STK33: variants seen among roughly 807,000 people sequenced by gnomAD.
STK33 encodes the protein serine/threonine-protein kinase 33.
A neutral mutation model predicts 58.0 loss-of-function variants in STK33; 52 were observed. The observed-to-expected ratio is 0.90, with a 90% confidence interval of 0.72 to 1.13. STK33 has a LOEUF of 1.13. Ranked by LOEUF, STK33 falls within the 50% of genes most tolerant of loss-of-function variation. The pLI, the probability that STK33 is intolerant of heterozygous loss-of-function variation, is 0.00. For synonymous variants in STK33, 215 were observed against 200.1 expected, an observed-to-expected ratio of 1.07 and a Z score of -0.63; for missense variants, 630 against 604.2, an observed-to-expected ratio of 1.04 and a Z score of -0.45.
At chr11:8,562,878 A>C (rs923335775) in intron 1 of STK33, among the ~76,000 whole-genome samples, 4 of 152,216 alleles carry the variant, frequency 2.6e-5, no homozygotes, top group African/African-American at 9.7e-5. Context: ...CTTGGAGCTT[A>C]CATTATAGTG....
At chr11:8,488,523 C>T (rs1162497191) in intron 1 of STK33, among the ~76,000 whole-genome samples, 1 of 151,966 alleles carries the variant, frequency 6.6e-6, no homozygotes, top group Non-Finnish European at 1.5e-5. Context: ...GCAAGTGTAG[C>T]CCAACATGCA....
intron 1 of STK33, among the ~76,000 whole-genome samples, chr11:8,534,564 CTCTCTGTGTG>C (rs1365012640): frequency 0.015 from 1,721 of 118,322 alleles, 36 homozygotes; most frequent in African/African-American, 0.059. Context: ...CTCTCTCTCT[CTCTCTGTGTG>C]TGTGTGTGTG....
chr11:8,387,767 G>A (rs1285935697), downstream of STK33, among the ~76,000 whole-genome samples: 2 of 152,178 alleles, frequency 1.3e-5, no homozygotes, highest in Non-Finnish European at 2.9e-5. Context: ...AGGGTCCAGT[G>A]AGGGGGTCAG....
intron 1 of STK33, among the ~76,000 whole-genome samples, chr11:8,570,062 C>T (rs1957701709): frequency 1.3e-5 from 2 of 151,864 alleles, no homozygotes; most frequent in Non-Finnish European, 2.9e-5. Context: ...ATTAGAATTC[C>T]TACAACTCAA....
rs141134644 is a variant in STK33 at position 8,436,134 on chromosome 11, C to T, written c.953G>A (p.Arg318His). 528 of 1,551,448 alleles carry T rather than the reference C, an allele frequency of 3.4e-4. 1 individual carries two copies. In the African/African-American group the frequency reaches 6.1e-3, roughly 18 times the overall value. ...SIGVVMYMLL[R>H]GEPPFLASSE... Reference sequence around the variant, plus strand: ...GCTTGCCAAAAAGGGTGGTTCTCCACGTAATCTGCAACAAAGGCAATCACT... The same window carrying T: ...GCTTGCCAAAAAGGGTGGTTCTCCATGTAATCTGCAACAAAGGCAATCACT... Residue 318 changes from arginine to histidine, a missense_variant, in exon 13 of 16, where the codon CGT becomes CAT. Coordinates refer to ENST00000687296, the MANE Select transcript of STK33 (RefSeq NM_001352389.2).
Position 8,455,810 on chromosome 11 carries a change from C to CAAAAA in STK33, c.698-983_698-979dup, listed in dbSNP as rs1156835375. Among the ~76,000 whole-genome samples, 361 of 47,132 alleles carry CAAAAA rather than the reference C, an allele frequency of 7.7e-3. 24 individuals carry two copies. The highest frequency in any genetic ancestry group is 0.016 in the Middle Eastern group (1 of 62). 30.9% of individuals were successfully genotyped at this position (47,132 alleles called of 152,430 possible). A position where few individuals can be genotyped will look rare whatever the true frequency, so the allele number is the denominator to read the frequency against. ...TGGGTAACAGAGAGAGACTCTGTCT[C>CAAAAA]AAAAAAAAAAAAAAAAAAAAAAAAA... On this transcript the variant is annotated intron_variant, in intron 9 of 15. Transcript: ENST00000687296.
intron 1 of STK33, among the ~76,000 whole-genome samples, chr11:8,534,092 T>C (rs906059377): frequency 1.3e-5 from 2 of 151,944 alleles, no homozygotes. Context: ...CTGGCCAACA[T>C]GGTGAAAACC....
chr11:8,474,672 G>GCACA lies in STK33; in HGVS notation c.225+8_225+9insTGTG. ...ACTTGTGCTTAGATGTGGAATCTTT[G>GCACA]ATATTTACCAAATCTTTCCTGGAGG... On this transcript the variant is annotated intron_variant, in intron 5 of 15. Transcript: ENST00000687296. The GCACA allele has an allele frequency of 6.3e-7, 1 of 1,589,642 alleles. No individual in the cohort carries two copies. The highest frequency in any genetic ancestry group is 8.6e-7 in the Non-Finnish European group (1 of 1,167,126).
At chr11:8,362,856 C>G in the STK33 span, among the ~76,000 whole-genome samples, 1 of 152,080 alleles carries the variant, frequency 6.6e-6, no homozygotes, top group Non-Finnish European at 1.5e-5. Context: ...TTCTGCCTCT[C>G]TCCCTCCCTC....
At chr11:8,377,078 A>C in the STK33 span, among the ~76,000 whole-genome samples, 1 of 152,158 alleles carries the variant, frequency 6.6e-6, no homozygotes. Flanking sequence ...ATTTATCAAA[A>C]CCACTAACTC....
At chr11:8,438,614 G>A (rs1284563446) in intron 12 of STK33, among the ~76,000 whole-genome samples, 1 of 152,108 alleles carries the variant, frequency 6.6e-6, no homozygotes, top group Non-Finnish European at 1.5e-5. Context: ...GTCACACTCT[G>A]AAGCAGAAAA....
chr11:8,533,989 T>C (rs1954758241), intron 1 of STK33, among the ~76,000 whole-genome samples: 1 of 152,136 alleles, frequency 6.6e-6, no homozygotes, highest in African/African-American at 2.4e-5. Flanking sequence ...TCAAACTGTA[T>C]ATGTGCCGGA....
chr11:8,476,267 A>C (rs908458855), intron 4 of STK33, among the ~76,000 whole-genome samples: 1 of 152,244 alleles, frequency 6.6e-6, no homozygotes, highest in Non-Finnish European at 1.5e-5. Context: ...CTGCACTTAA[A>C]AGAAAATTTA....
At chr11:8,380,823 C>T in the STK33 span, among the ~76,000 whole-genome samples, 44 of 152,130 alleles carry the variant, frequency 2.9e-4, no homozygotes, top group Admixed American at 5.2e-4. Context: ...TGCAAAGATA[C>T]GGAACCAACC....
chr11:8,516,553 G>A (rs1952800595), intron 1 of STK33, among the ~76,000 whole-genome samples: 1 of 152,250 alleles, frequency 6.6e-6, no homozygotes, highest in Admixed American at 6.5e-5. Context: ...CCCGGGAAGT[G>A]CAAGGGGCGG....
chr11:8,461,540 T>C (rs991903823), intron 8 of STK33, among the ~76,000 whole-genome samples: 1 of 152,142 alleles, frequency 6.6e-6, no homozygotes, highest in Non-Finnish European at 1.5e-5. Flanking sequence ...CACCATTTGG[T>C]TGTGTATGAA....
the STK33 span, among the ~76,000 whole-genome samples, chr11:8,339,542 T>G: frequency 3.2e-4 from 48 of 152,338 alleles, no homozygotes; most frequent in Non-Finnish European, 6.8e-4. Context: ...GAAAGATGTG[T>G]GCTTAGAGGG....
chr11:8,448,236 C>T (rs1230411520), intron 11 of STK33, among the ~76,000 whole-genome samples: 2 of 152,062 alleles, frequency 1.3e-5, no homozygotes, highest in African/African-American at 4.8e-5. Flanking sequence ...CAATGCCATC[C>T]CCATCAAGCT....
At position 8,392,677 on chromosome 11, in the gene STK33, T is replaced by C; in HGVS notation, c.1378A>G (p.Ser460Gly). 6.2e-7 allele frequency: 1 copy of C among 1,614,254 alleles called. No homozygotes were observed. Among genetic ancestry groups the C allele is most frequent in the Non-Finnish European group, 8.5e-7 (1 of 1,180,046 alleles). Residue 460 changes from serine to glycine, a missense_variant, in exon 16 of 16, where the codon AGT becomes GGT. Transcript: ENST00000687296. ...TAYEKQFPATSKDNFDMCSSS... is the reference protein window; with the variant it reads ...TAYEKQFPATGKDNFDMCSSS... ...CTGCACATATCAAAGTTGTCCTTACTGGTTGCAGGAAATTGCTTTTCATAA... is the reference window on the plus strand; with the variant it reads ...CTGCACATATCAAAGTTGTCCTTACCGGTTGCAGGAAATTGCTTTTCATAA...
Sources: gnomAD v4.1 joint callset for allele counts (sites outside exome capture counted in the v4.1 genomes callset) on GRCh38, gnomAD v4.1.1 for gene constraint, MANE v1.5 for transcripts, NCBI Gene and HGNC (gene_info 2026-07-23, HGNC 2026-07-21) for gene names.